Variants in GTF3C3 observed in about 807,000 individuals in gnomAD.
The protein encoded by GTF3C3 is general transcription factor 3C polypeptide 3.
GTF3C3 carries 75 observed loss-of-function variants against 105.2 expected under a neutral mutation model. The observed-to-expected ratio is 0.71, with a 90% CI of 0.59 to 0.86. GTF3C3 has a LOEUF of 0.86. Among genes scored for constraint, GTF3C3 ranks in the 40% least tolerant of loss-of-function variants. The probability of loss-of-function intolerance (pLI) is 0.00; values close to 1 mark genes in which losing one functional copy is unlikely to be tolerated. For missense variants in GTF3C3, 856 were observed against 1,076.5 expected (o/e 0.80, Z 2.87); for synonymous variants, 335 against 370.4 (o/e 0.90, Z 1.10).
chr2:196,764,489 A>ATAAT lies in GTF3C3; in HGVS notation c.*70_*73dup, dbSNP rs1402059374. 1.1e-5 allele frequency: 15 copies of ATAAT among 1,336,446 alleles called. No individual in the cohort carries two copies. Among genetic ancestry groups the ATAAT allele is most frequent in the Non-Finnish European group, 1.4e-5 (14 of 995,734 alleles). The allele number at this position is 1,336,446 out of a possible 1,614,324, so 82.8% of individuals were successfully genotyped here. Reference sequence around the variant, plus strand: ...TGTCATTTCTATTTTGGAGTTACAAATAATAAGCCCTGAGACAGAAGACAC... The same window carrying ATAAT: ...TGTCATTTCTATTTTGGAGTTACAAATAATTAATAAGCCCTGAGACAGAAGACAC... On this transcript the variant is annotated 3_prime_UTR_variant, in exon 18 of 18. Coordinates refer to ENST00000263956, the MANE Select transcript of GTF3C3 (RefSeq NM_012086.5).
At chr2:196,781,544 A>G (rs1699363745) in intron 8 of GTF3C3, among the ~76,000 whole-genome samples, 1 of 151,370 alleles carries the variant, frequency 6.6e-6, no homozygotes, top group African/African-American at 2.4e-5. Flanking sequence ...GAGAAGGTAC[A>G]TAAGTTATAT....
In GTF3C3 at chr2:196,797,808, T is replaced by C. The variant is rs1699672158; in HGVS notation, c.203A>G (p.Asp68Gly). ...GINSTKSQDK[D>G]VNEGETSDGV... ...TAATTTTAACATACCTTCATTGACATCTTTGTCTTGGGATTTGGTAGAGTT... is the reference window on the plus strand; with the variant it reads ...TAATTTTAACATACCTTCATTGACACCTTTGTCTTGGGATTTGGTAGAGTT... The change falls in exon 2 of 18, where the codon GAT (aspartate) becomes GGT (glycine). Residue 68 changes from aspartate (D) to glycine (G), a missense_variant. By Grantham distance (94) the Asp-to-Gly change is moderately conservative. Transcript: ENST00000263956. 1 of 1,573,920 alleles carries C rather than the reference T, an allele frequency of 6.4e-7. No homozygotes were observed. The highest frequency in any genetic ancestry group is 1.1e-5 in the South Asian group (1 of 90,244).
chr2:196,784,988 G>A (rs1357602221), intron 7 of GTF3C3, 59 bp from the exon 8 acceptor site: 16 of 1,106,036 alleles, frequency 1.4e-5, no homozygotes, highest in Admixed American at 3.7e-5. Flanking sequence ...ATTTCATAAT[G>A]CAAAGATTTG....
At chr2:196,789,172 G>A (rs1247326380) in intron 6 of GTF3C3, 32 bp downstream of exon 6, 2 of 1,531,398 alleles carry the variant, frequency 1.3e-6, no homozygotes, top group South Asian at 1.2e-5. Flanking sequence ...AGATTAACAG[G>A]AGCAAGTAGA....
chr2:196,769,473 A>G (rs1026557718), intron 16 of GTF3C3, among the ~76,000 whole-genome samples: 4 of 152,260 alleles, frequency 2.6e-5, no homozygotes, highest in African/African-American at 9.6e-5. Context: ...AACAAGAAAC[A>G]TAATTTCAAA....
At chr2:196,766,238 A>T (rs1317914285) in intron 17 of GTF3C3, among the ~76,000 whole-genome samples, 1 of 152,194 alleles carries the variant, frequency 6.6e-6, no homozygotes, top group African/African-American at 2.4e-5. Context: ...TTATAAAGAA[A>T]CATGTGAATT....
chr2:196,785,025 A>C, intron 7 of GTF3C3, 96 bp from the exon 8 acceptor site: 1 of 789,942 alleles, frequency 1.3e-6, no homozygotes, highest in Non-Finnish European at 2.0e-6. Flanking sequence ...AATCCCTAAT[A>C]TAAAGTTGGG....
chr2:196,772,807 A>AC, intron 14 of GTF3C3, 109 bp downstream of exon 14: 1 of 627,162 alleles, frequency 1.6e-6, no homozygotes, highest in Non-Finnish European at 2.8e-6. Context: ...TCACCAATTA[A>AC]CCAGTTTATT....
intron 16 of GTF3C3, chr2:196,766,969 G>C (rs1328675270): frequency 3.5e-6 from 1 of 288,238 alleles, no homozygotes; most frequent in African/African-American, 2.2e-5. Flanking sequence ...GTAGTTACCA[G>C]AGATTCATAA....
At chr2:196,788,897 T>A (rs535785643) in intron 6 of GTF3C3, among the ~76,000 whole-genome samples, 1 of 152,044 alleles carries the variant, frequency 6.6e-6, no homozygotes, top group Admixed American at 6.5e-5. Flanking sequence ...AGACCCTGTC[T>A]CTACAAAAAA....
At chr2:196,769,692 T>C (rs979420963) in intron 16 of GTF3C3, among the ~76,000 whole-genome samples, 3 of 152,172 alleles carry the variant, frequency 2.0e-5, no homozygotes, top group Admixed American at 1.3e-4. Flanking sequence ...TCTTTGTCCC[T>C]AAAGATCTGG....
intron 14 of GTF3C3, 21 bp from the exon 15 acceptor site, chr2:196,771,959 T>C (rs1210848500): frequency 3.9e-6 from 6 of 1,531,972 alleles, no homozygotes; most frequent in African/African-American, 1.4e-5. Flanking sequence ...AGGAAGAGGG[T>C]GAGGGAGAAA....
chr2:196,785,053 C>T (rs945712241), intron 7 of GTF3C3, 124 bp from the exon 8 acceptor site: 2 of 654,382 alleles, frequency 3.1e-6, no homozygotes, highest in Non-Finnish European at 5.1e-6. Context: ...AAGAAAGAGT[C>T]TTTTAAAAAT....
chr2:196,764,395 G>A lies in GTF3C3; in HGVS notation c.*168C>T, dbSNP rs904782919. 5.5e-6 allele frequency: 3 copies of A among 540,952 alleles called. No homozygotes were observed. Among genetic ancestry groups the A allele is most frequent in the Non-Finnish European group, 9.0e-6 (3 of 331,818 alleles). 33.5% of individuals were successfully genotyped at this position (540,952 alleles called of 1,614,324 possible). A position where few individuals can be genotyped will look rare whatever the true frequency, so the allele number is the denominator to read the frequency against. On this transcript the variant is annotated 3_prime_UTR_variant, in exon 18 of 18. Coordinates refer to ENST00000263956, the MANE Select transcript of GTF3C3 (RefSeq NM_012086.5). ...TACAAATTTTTGTAGGAATAATTTT[G>A]CATATATACCACAAGATCATTATCA...
At chr2:196,789,066 A>G (rs967559030) in intron 6 of GTF3C3, 138 bp downstream of exon 6, 1 of 694,230 alleles carries the variant, frequency 1.4e-6, no homozygotes. Context: ...ACCCTGTCTC[A>G]ATAAACAAAA....
intron 13 of GTF3C3, 121 bp downstream of exon 13, chr2:196,774,995 T>C (rs1480600245): frequency 3.1e-6 from 2 of 653,102 alleles, no homozygotes; most frequent in Non-Finnish European, 5.0e-6. Context: ...GAGATTTAGA[T>C]TGGAAAATTT....
At chr2:196,766,823 A>C (rs1416858513) in intron 16 of GTF3C3, 106 bp from the exon 17 acceptor site, 4 of 785,852 alleles carry the variant, frequency 5.1e-6, no homozygotes, top group Non-Finnish European at 8.1e-6. Flanking sequence ...TTAAAAACCT[A>C]TCTATCTGCT....
chr2:196,770,537 T>G (rs1699154025), intron 15 of GTF3C3, among the ~76,000 whole-genome samples: 1 of 152,238 alleles, frequency 6.6e-6, no homozygotes, highest in Admixed American at 6.5e-5. Context: ...TATTTGTTTT[T>G]TCTGAGAAAG....
intron 16 of GTF3C3, among the ~76,000 whole-genome samples, chr2:196,768,748 TTAACTA>T (rs1425156492): frequency 3.3e-5 from 5 of 152,126 alleles, no homozygotes; most frequent in Non-Finnish European, 7.4e-5. Context: ...AACCTCCTAT[TTAACTA>T]TAAAAGTAAT....
Sources: allele counts gnomAD v4.1 joint callset (sites outside exome capture counted in the v4.1 genomes callset), GRCh38; gene constraint gnomAD v4.1.1; transcripts MANE v1.5; gene names NCBI Gene and HGNC (gene_info 2026-07-23, HGNC 2026-07-21).